Variants in SMYD3 observed in about 807,000 individuals in gnomAD.
The protein encoded by SMYD3 is histone-lysine N-methyltransferase SMYD3.
SMYD3 carries 36 observed loss-of-function variants against 57.7 expected under a neutral mutation model. The ratio of observed to expected loss-of-function variants is 0.62; its 90% CI spans 0.48 to 0.82. The LOEUF (loss-of-function observed/expected upper bound fraction) is 0.82, where lower values mean the gene tolerates loss of function less well. Ranked by LOEUF, SMYD3 falls within the 40% of genes least tolerant of loss-of-function variation. SMYD3 has a pLI of 0.00. For missense variants in SMYD3, 515 were observed against 538.8 expected, an observed-to-expected ratio of 0.96 and a Z score of 0.44; for synonymous variants, 211 against 195.0, an observed-to-expected ratio of 1.08 and a Z score of -0.68.
At chr1:245,912,606 TC>T (rs774905029) in intron 8 of SMYD3, among the ~76,000 whole-genome samples, 13 of 151,478 alleles carry the variant, frequency 8.6e-5, no homozygotes, top group Admixed American at 6.6e-4. Context: ...CTTCAAAATA[TC>T]CCACAAAGTT....
At chr1:246,246,748 C>G (rs2063710459) in intron 5 of SMYD3, among the ~76,000 whole-genome samples, 1 of 151,354 alleles carries the variant, frequency 6.6e-6, no homozygotes, top group Admixed American at 6.6e-5. Flanking sequence ...GAAACTGAGC[C>G]ACATAGAAGA....
intron 8 of SMYD3, among the ~76,000 whole-genome samples, chr1:245,913,809 G>C (rs1013715510): frequency 7.2e-5 from 11 of 151,928 alleles, no homozygotes; most frequent in South Asian, 4.2e-4. Flanking sequence ...ATTCAAAAGA[G>C]GGCAAAGGAT....
intron 11 of SMYD3, among the ~76,000 whole-genome samples, chr1:245,761,140 C>G (rs1378515974): frequency 2.6e-5 from 4 of 152,166 alleles, no homozygotes; most frequent in African/African-American, 9.7e-5. Context: ...TAGAGACACA[C>G]AGCAAGTTTG....
intron 1 of SMYD3, among the ~76,000 whole-genome samples, chr1:246,502,136 T>TTC (rs386370354): frequency 2.5e-4 from 5 of 19,854 alleles, no homozygotes; most frequent in Non-Finnish European, 6.2e-4. Flanking sequence ...TGCAGCTGCC[T>TTC]TTTTTTTTTT....
chr1:245,926,381 T>C (rs2056377241), intron 7 of SMYD3, among the ~76,000 whole-genome samples: 1 of 152,220 alleles, frequency 6.6e-6, no homozygotes, highest in South Asian at 2.1e-4. Flanking sequence ...GAAATGTTTA[T>C]TCTCTTAAAC....
At chr1:246,261,511 G>A (rs1480968092) in intron 5 of SMYD3, among the ~76,000 whole-genome samples, 2 of 151,680 alleles carry the variant, frequency 1.3e-5, no homozygotes, top group East Asian at 3.9e-4. Context: ...ATAAATATAG[G>A]AAGGTCATCA....
intron 1 of SMYD3, among the ~76,000 whole-genome samples, chr1:246,419,753 C>T (rs1315326438): frequency 6.6e-6 from 1 of 152,200 alleles, no homozygotes; most frequent in African/African-American, 2.4e-5. Flanking sequence ...GTTGCATGCT[C>T]CTTATGAGAA....
chr1:246,037,444 T>C (rs1482921563), intron 5 of SMYD3, among the ~76,000 whole-genome samples: 1 of 152,206 alleles, frequency 6.6e-6, no homozygotes, highest in Non-Finnish European at 1.5e-5. Context: ...CCTCCTCTGA[T>C]AACTTCTGGG....
Position 246,227,024 on chromosome 1 carries a change from AATGC to A in SMYD3, c.531+100173_531+100176del, listed in dbSNP as rs2063340214. On this transcript the variant is annotated intron_variant, in intron 5 of 11. Transcript: ENST00000490107. ...TAATATTGATAATTAATCTTTAATA[AATGC>A]TTGTGATTTTTGACATATTAAATTC... is the stretch of plus-strand genomic sequence containing the variant. Among the ~76,000 whole-genome samples the A allele has an allele frequency of 4.6e-5, 7 of 152,298 alleles. No homozygotes were observed. In the South Asian group the frequency reaches 1.0e-3, roughly 23 times the overall value.
chr1:246,301,876 T>G (rs1243988812), intron 5 of SMYD3, among the ~76,000 whole-genome samples: 1 of 152,144 alleles, frequency 6.6e-6, no homozygotes, highest in Non-Finnish European at 1.5e-5. Flanking sequence ...TAGAGAAGTT[T>G]AAGAGAGGGA....
In SMYD3 at chr1:246,133,270, C is replaced by T. The variant is rs12082032; in HGVS notation, c.531+193931G>A. 3.8e-3 allele frequency among the ~76,000 whole-genome samples: 581 copies of T among 151,934 alleles called. 5 individuals are homozygous for T. The highest frequency in any genetic ancestry group is 0.014 in the African/African-American group (560 of 41,462). On this transcript the variant is annotated intron_variant, in intron 5 of 11. Transcript: ENST00000490107. ...AAAGCTTGTCATTTAAATGAACCCA[C>T]GGCATGACTGAGGGAAAAGCAGAAC...
At chr1:246,117,400 A>G (rs921608845) in intron 5 of SMYD3, among the ~76,000 whole-genome samples, 1 of 152,206 alleles carries the variant, frequency 6.6e-6, no homozygotes, top group Admixed American at 6.5e-5. Context: ...CACAGTAGGC[A>G]GGCAACCCAG....
chr1:245,857,112 A>G (rs11578675), intron 10 of SMYD3, among the ~76,000 whole-genome samples: 84,336 of 151,880 alleles, frequency 0.56, 26,582 homozygotes, highest in Non-Finnish European at 0.73. Context: ...TCCCTCATAC[A>G]TTTGATTAAA....
At chr1:245,979,128 T>C (rs1362960402) in intron 5 of SMYD3, among the ~76,000 whole-genome samples, 1 of 152,122 alleles carries the variant, frequency 6.6e-6, no homozygotes, top group Non-Finnish European at 1.5e-5. Context: ...AGATGAGTCA[T>C]TTAAACCCTC....
At chr1:246,350,610 G>T (rs532050494) in intron 2 of SMYD3, among the ~76,000 whole-genome samples, 7 of 152,152 alleles carry the variant, frequency 4.6e-5, no homozygotes, top group African/African-American at 1.7e-4. Flanking sequence ...ACTGTTCACT[G>T]AGGCTGGAAA....
chr1:246,035,032 T>G (rs1310474835), intron 5 of SMYD3, among the ~76,000 whole-genome samples: 2 of 152,176 alleles, frequency 1.3e-5, no homozygotes. Flanking sequence ...GAGGAAAGCC[T>G]GTGGCACAGC....
chr1:245,863,775 C>G (rs753399230), intron 9 of SMYD3, 24 bp downstream of exon 9: 2 of 1,606,924 alleles, frequency 1.2e-6, no homozygotes. Context: ...AACAGTCCAC[C>G]TCAATCCACA....
intron 10 of SMYD3, among the ~76,000 whole-genome samples, chr1:245,852,935 C>T (rs1375181531): frequency 2.0e-5 from 3 of 152,092 alleles, no homozygotes; most frequent in Non-Finnish European, 2.9e-5. Context: ...TTCACACATA[C>T]GAACACACGC....
At chr1:245,766,231 C>T (rs1436342410) in intron 10 of SMYD3, among the ~76,000 whole-genome samples, 2 of 151,664 alleles carry the variant, frequency 1.3e-5, no homozygotes, top group Admixed American at 6.6e-5. Flanking sequence ...GGTGAAACCC[C>T]GCCTCTACTA....
Sources: gnomAD v4.1 joint callset for allele counts (sites outside exome capture counted in the v4.1 genomes callset) on GRCh38, gnomAD v4.1.1 for gene constraint, MANE v1.5 for transcripts, NCBI Gene and HGNC (gene_info 2026-07-23, HGNC 2026-07-21) for gene names.